Variants in PKD1L1 observed in about 807,000 individuals in gnomAD.
PKD1L1 encodes the protein polycystin 1 like 1, transient receptor potential channel interacting, also known as polycystin-1-like protein 1.
PKD1L1 carries 236 observed loss-of-function variants against 323.4 expected under a neutral mutation model. The observed-to-expected ratio is 0.73, with a 90% CI of 0.66 to 0.81. PKD1L1 has a LOEUF of 0.81. PKD1L1 is among the 40% of genes least tolerant of loss of function. The probability of loss-of-function intolerance (pLI) is 0.00; values close to 1 mark genes in which losing one functional copy is unlikely to be tolerated. For missense variants in PKD1L1, 3,320 were observed against 3,508.0 expected, an observed-to-expected ratio of 0.95 and a Z score of 1.35; for synonymous variants, 1,344 against 1,335.0, an observed-to-expected ratio of 1.01 and a Z score of -0.15.
intron 21 of PKD1L1, among the ~76,000 whole-genome samples, chr7:47,880,284 A>ATATATTTTTTTTTTTT (rs1225214936): frequency 1.1e-4 from 6 of 56,782 alleles, no homozygotes; most frequent in African/African-American, 5.3e-4. Flanking sequence ...ATATATATAT[A>ATATATTTTTTTTTTTT]TTTTTTTTTT....
At chr7:47,864,576 T>TTTCTTTC (rs967936305) in intron 26 of PKD1L1, among the ~76,000 whole-genome samples, 15 of 107,626 alleles carry the variant, frequency 1.4e-4, no homozygotes, top group Admixed American at 5.0e-4. Context: ...TTTTTCTTTC[T>TTTCTTTC]TTTCTTTCTT....
At chr7:47,958,740 T>G in the PKD1L1 span, among the ~76,000 whole-genome samples, 1 of 152,184 alleles carries the variant, frequency 6.6e-6, no homozygotes, top group African/African-American at 2.4e-5. Flanking sequence ...CTCAACTTAA[T>G]AGTAAGAAAA....
At chr7:47,952,705 T>C (rs1281026688), upstream of PKD1L1, among the ~76,000 whole-genome samples, 4 of 152,222 alleles carry the variant, frequency 2.6e-5, no homozygotes, top group Non-Finnish European at 1.5e-5. Flanking sequence ...ACATAGTTAT[T>C]GAAGTATCAT....
At chr7:47,783,549 G>A (rs1429374603) in intron 56 of PKD1L1, among the ~76,000 whole-genome samples, 1 of 152,200 alleles carries the variant, frequency 6.6e-6, no homozygotes, top group Non-Finnish European at 1.5e-5. Context: ...TTATTTTGCT[G>A]ATGATCAAGC....
chr7:47,937,454 G>A (rs1201078076), intron 3 of PKD1L1, among the ~76,000 whole-genome samples: 1 of 152,126 alleles, frequency 6.6e-6, no homozygotes, highest in Non-Finnish European at 1.5e-5. Context: ...CACAGGAGGT[G>A]ACCTCAGAGT....
chr7:47,891,890 T>C (rs1236178638), intron 15 of PKD1L1, among the ~76,000 whole-genome samples: 4 of 152,214 alleles, frequency 2.6e-5, no homozygotes, highest in Non-Finnish European at 4.4e-5. Flanking sequence ...TCCCAGAGCA[T>C]GTGCATGAAT....
chr7:47,884,987 C>T (rs543542030), intron 18 of PKD1L1, among the ~76,000 whole-genome samples: 13 of 152,284 alleles, frequency 8.5e-5, no homozygotes, highest in South Asian at 4.1e-4. Flanking sequence ...TCTCTTCAAG[C>T]GAGTCTTTTA....
chr7:47,823,359 A>AT (rs770992228), intron 45 of PKD1L1, among the ~76,000 whole-genome samples: 14 of 152,132 alleles, frequency 9.2e-5, no homozygotes, highest in Admixed American at 5.9e-4. Context: ...TATTTAGTCT[A>AT]TTAATATGGT....
In PKD1L1 at chr7:47,946,795, C is replaced by T. The variant is rs953512044; in HGVS notation, c.44+1602G>A. Among the ~76,000 whole-genome samples, 15 of 152,100 alleles carry T rather than the reference C, an allele frequency of 9.9e-5. No homozygotes were observed. The highest frequency in any genetic ancestry group is 3.3e-4 in the Admixed American group (5 of 15,262). Reference sequence around the variant, plus strand: ...CTTGCTTTAGGTGACTCAGGAAACCCCAAAAGGCTATGACTTCAGAAATGG... The same window carrying T: ...CTTGCTTTAGGTGACTCAGGAAACCTCAAAAGGCTATGACTTCAGAAATGG... On this transcript the variant is annotated intron_variant, in intron 1 of 56. Transcript: ENST00000289672. The surrounding 1 kb of genome is among the most constrained non-coding windows in gnomAD (Gnocchi z 4.1).
intron 46 of PKD1L1, 32 bp from the exon 47 acceptor site, chr7:47,815,489 T>C (rs769102899): frequency 1.9e-6 from 3 of 1,606,316 alleles, no homozygotes; most frequent in South Asian, 1.1e-5. Context: ...AAAAGTTGCT[T>C]CTGCATCAAC....
In PKD1L1 at chr7:47,898,124, C is replaced by T; in HGVS notation, c.2135G>A (p.Gly712Asp). The T allele has an allele frequency of 6.2e-7, 1 of 1,614,148 alleles. No individual in the cohort carries two copies. Among genetic ancestry groups the T allele is most frequent in the Non-Finnish European group, 8.5e-7 (1 of 1,180,018 alleles). Residue 712 changes from glycine to aspartate, a missense_variant, in exon 14 of 57, where the codon GGT becomes GAT. Physicochemically the swap from Gly to Asp is moderately conservative, Grantham distance 94. Coordinates refer to ENST00000289672, the MANE Select transcript of PKD1L1 (RefSeq NM_138295.5). ...CATCAAGTTCCAGGTGTAAGAAAGACCTTGGGAAATATCACAGAAGACTGC... is the reference window on the plus strand; with the variant it reads ...CATCAAGTTCCAGGTGTAAGAAAGATCTTGGGAAATATCACAGAAGACTGC... ...EAAVFCDISQ[G>D]LSYTWNLMDS... is the part of the protein sequence containing the mutation.
In PKD1L1 at chr7:47,861,145, A is replaced by G. The variant is rs138239092; in HGVS notation, c.4150-2260T>C. ...TGCTACGGAATGTGTGTGAATGAAG[A>G]AAAAATATCTGTTGTATTCAGCTTC... is the stretch of plus-strand genomic sequence containing the variant. On this transcript the variant is annotated intron_variant, in intron 26 of 56. Transcript: ENST00000289672. Among the ~76,000 whole-genome samples, 393 of 152,360 alleles carry G rather than the reference A, an allele frequency of 2.6e-3. 2 individuals carry two copies. The highest frequency in any genetic ancestry group is 9.2e-3 in the African/African-American group (381 of 41,590).
intron 52 of PKD1L1, among the ~76,000 whole-genome samples, chr7:47,806,739 C>T (rs1275805632): frequency 6.6e-6 from 1 of 152,214 alleles, no homozygotes; most frequent in Admixed American, 6.5e-5. Context: ...CCAGCTCTTC[C>T]CCTTTTATTG....
In PKD1L1 at chr7:47,893,859, G is replaced by T; in HGVS notation, c.2453+19C>A. ...GCGGTCTGAGTAGCTGCGCAGCTCTGTGTGGGGGTGGTGCTCACCTGAGAG... is the reference window on the plus strand; with the variant it reads ...GCGGTCTGAGTAGCTGCGCAGCTCTTTGTGGGGGTGGTGCTCACCTGAGAG... On this transcript the variant is annotated intron_variant, in intron 15 of 56. Transcript: ENST00000289672. 6.2e-7 allele frequency: 1 copy of T among 1,609,892 alleles called. No homozygotes were observed. The highest frequency in any genetic ancestry group is 1.1e-5 in the South Asian group (1 of 90,450).
intron 16 of PKD1L1, 62 bp from the exon 17 acceptor site, chr7:47,888,212 T>C: frequency 6.6e-7 from 1 of 1,512,600 alleles, no homozygotes; most frequent in Non-Finnish European, 9.1e-7. Flanking sequence ...TTGGTCACAT[T>C]AATTCATGTT....
At chr7:47,897,878 C>A in intron 14 of PKD1L1, 110 bp downstream of exon 14, 1 of 875,508 alleles carries the variant, frequency 1.1e-6, no homozygotes, top group Non-Finnish European at 1.7e-6. Context: ...AACAACCTCC[C>A]TTTTCCTGGA....
chr7:47,778,588 G>A (rs565855904), intron 56 of PKD1L1, among the ~76,000 whole-genome samples: 198 of 152,258 alleles, frequency 1.3e-3, no homozygotes, highest in African/African-American at 4.6e-3. Flanking sequence ...TGCTGTAAAG[G>A]TCTTTGACCT....
rs982010337 is a variant in PKD1L1 at position 47,797,351 on chromosome 7, A to G, written c.8194-1201T>C. ...GGAAACACTTCAAAACATTACCCAGATAAAGCTTGTGTGTGTTATCATCTC... is the reference window on the plus strand; with the variant it reads ...GGAAACACTTCAAAACATTACCCAGGTAAAGCTTGTGTGTGTTATCATCTC... On this transcript the variant is annotated intron_variant, in intron 54 of 56. Coordinates refer to ENST00000289672, the MANE Select transcript of PKD1L1 (RefSeq NM_138295.5). Among the ~76,000 whole-genome samples, 18 of 152,326 alleles carry G rather than the reference A, an allele frequency of 1.2e-4. No homozygotes were observed. The South Asian group carries it at 2.7e-3, about 23-fold the overall frequency.
intron 56 of PKD1L1, among the ~76,000 whole-genome samples, chr7:47,786,470 G>A (rs1192761353): frequency 6.6e-6 from 1 of 152,148 alleles, no homozygotes; most frequent in Non-Finnish European, 1.5e-5. Context: ...AAATGTGAAA[G>A]GGAATGCAGA....
Sources: gnomAD v4.1 joint callset for allele counts (sites outside exome capture counted in the v4.1 genomes callset) on GRCh38, gnomAD v4.1.1 for gene constraint, Gnocchi (gnomAD v3.1) non-coding constraint, MANE v1.5 for transcripts, NCBI Gene and HGNC (gene_info 2026-07-23, HGNC 2026-07-21) for gene names.